Variants in MCTP1 observed in about 807,000 individuals in gnomAD.
The protein encoded by MCTP1 is multiple C2 and transmembrane domain-containing protein 1.
MCTP1 carries 69 observed loss-of-function variants against 120.6 expected under a neutral mutation model. The ratio of observed to expected loss-of-function variants is 0.57; its 90% confidence interval spans 0.47 to 0.70. The LOEUF (loss-of-function observed/expected upper bound fraction) is 0.70. MCTP1 is among the 30% of genes least tolerant of loss of function. The pLI is 0.00. For synonymous variants in MCTP1, 529 were observed against 493.1 expected, an observed-to-expected ratio of 1.07 and a Z score of -0.96; for missense variants, 1,203 against 1,248.8, an observed-to-expected ratio of 0.96 and a Z score of 0.55.
intron 1 of MCTP1, among the ~76,000 whole-genome samples, chr5:95,071,256 C>T (rs1309367327): frequency 6.6e-6 from 1 of 152,216 alleles, no homozygotes; most frequent in East Asian, 1.9e-4. Flanking sequence ...CCAAGAGCGT[C>T]TGTCTGAGGT....
intron 1 of MCTP1, among the ~76,000 whole-genome samples, chr5:95,246,644 G>A (rs1323091861): frequency 6.6e-6 from 1 of 152,146 alleles, no homozygotes; most frequent in Non-Finnish European, 1.5e-5. Flanking sequence ...CAATACAGGA[G>A]CACCCAGATT....
chr5:95,071,250 G>C lies in MCTP1; in HGVS notation c.721-53766C>G, dbSNP rs952101209. 2.0e-5 allele frequency among the ~76,000 whole-genome samples: 3 copies of C among 152,200 alleles called. No individual in the cohort carries two copies. The South Asian group carries it at 6.2e-4, about 32-fold the overall frequency. On this transcript the variant is annotated intron_variant, in intron 1 of 22. Coordinates refer to ENST00000515393, the MANE Select transcript of MCTP1 (RefSeq NM_024717.7). ...GCCTGAGGCAGCACGTGCAGCCCAA[G>C]AGCGTCTGTCTGAGGTACCCGCTGG...
chr5:94,940,832 T>C (rs1817544463), intron 4 of MCTP1, among the ~76,000 whole-genome samples: 1 of 151,574 alleles, frequency 6.6e-6, no homozygotes, highest in Middle Eastern at 3.5e-3. Context: ...ATGTATTACA[T>C]AGTATAATAA....
At chr5:94,750,932 C>A (rs572431650) in intron 19 of MCTP1, among the ~76,000 whole-genome samples, 7 of 152,164 alleles carry the variant, frequency 4.6e-5, no homozygotes, top group Non-Finnish European at 8.8e-5. Context: ...CTGGGAGTAG[C>A]ATACAAAAAG....
At chr5:95,175,395 G>A (rs1046581310) in intron 1 of MCTP1, among the ~76,000 whole-genome samples, 11 of 152,154 alleles carry the variant, frequency 7.2e-5, no homozygotes, top group African/African-American at 2.7e-4. Context: ...GACTCAGTTT[G>A]GTTTTCACTC....
At chr5:94,832,609 AACACACACACAC>A (rs59233492) in intron 17 of MCTP1, among the ~76,000 whole-genome samples, 2,726 of 147,228 alleles carry the variant, frequency 0.019, 30 homozygotes, top group Middle Eastern at 0.035. Flanking sequence ...GGGCTAGCTG[AACACACACACAC>A]ACACACACAC....
intron 1 of MCTP1, among the ~76,000 whole-genome samples, chr5:95,226,304 C>T (rs552394291): frequency 7.2e-5 from 11 of 152,208 alleles, no homozygotes; most frequent in African/African-American, 1.7e-4. Context: ...ATTGTGGCTA[C>T]GTTAATTTTT....
At chr5:95,181,640 CT>C (rs1353926526) in intron 1 of MCTP1, among the ~76,000 whole-genome samples, 1 of 152,144 alleles carries the variant, frequency 6.6e-6, no homozygotes, top group Non-Finnish European at 1.5e-5. Context: ...ACTTAGCACA[CT>C]TTTGATATGC....
chr5:95,250,822 C>T (rs886297650), intron 1 of MCTP1, among the ~76,000 whole-genome samples: 1 of 152,108 alleles, frequency 6.6e-6, no homozygotes, highest in Non-Finnish European at 1.5e-5. Context: ...ATAAATATGT[C>T]TTAACACTAC....
At chr5:94,998,941 C>T (rs193106334) in intron 2 of MCTP1, among the ~76,000 whole-genome samples, 9 of 152,136 alleles carry the variant, frequency 5.9e-5, no homozygotes, top group African/African-American at 1.9e-4. Flanking sequence ...AGAGGCAGAG[C>T]GTTTGCTTTC....
intron 19 of MCTP1, among the ~76,000 whole-genome samples, chr5:94,775,849 G>C (rs946051643): frequency 4.0e-5 from 6 of 150,326 alleles, no homozygotes; most frequent in African/African-American, 1.5e-4. Flanking sequence ...GAGAATGAAG[G>C]GTAAGTCTGT....
chr5:94,915,134 T>A (rs981306697), intron 8 of MCTP1, among the ~76,000 whole-genome samples: 14 of 152,216 alleles, frequency 9.2e-5, no homozygotes, highest in Non-Finnish European at 1.8e-4. Flanking sequence ...TATAGAGCTT[T>A]AGAATTTAAA....
rs1347689098 is a variant in MCTP1 at position 94,918,033 on chromosome 5, C to T, written c.1273-60G>A. On this transcript the variant is annotated intron_variant, in intron 7 of 22. Coordinates refer to ENST00000515393, the MANE Select transcript of MCTP1 (RefSeq NM_024717.7). ...AAGCTTTGTACCATTCTCAACCCCT[C>T]ATTTTGATCAGCAGTTTGAATTACT... is the stretch of plus-strand genomic sequence containing the variant. 4 of 1,251,572 alleles carry T rather than the reference C, an allele frequency of 3.2e-6. No homozygotes were observed. The Admixed American group carries it at 5.6e-5, about 17-fold the overall frequency. 77.5% of individuals were successfully genotyped at this position (1,251,572 alleles called of 1,614,324 possible). A position where few individuals can be genotyped will look rare whatever the true frequency, so the allele number is the denominator to read the frequency against.
chr5:94,929,577 T>C (rs985857712), intron 6 of MCTP1: 1 of 790,468 alleles, frequency 1.3e-6, no homozygotes, highest in Non-Finnish European at 1.5e-6. Flanking sequence ...TGCATTTTCA[T>C]AAAACAGTAA....
chr5:94,707,579 G>T lies in MCTP1; in HGVS notation c.2929-12C>A. ...TCTTGGTATTGCACCTGTTTAAACA[G>T]AGTTCAGAGGAAGACTGGTCAGGTG... is the stretch of plus-strand genomic sequence containing the variant. On this transcript the variant is annotated splice_polypyrimidine_tract_variant and intron_variant, in intron 22 of 22. Transcript: ENST00000515393. 6.2e-7 allele frequency: 1 copy of T among 1,606,258 alleles called. No homozygotes were observed. Among genetic ancestry groups the T allele is most frequent in the Non-Finnish European group, 8.5e-7 (1 of 1,173,676 alleles).
chr5:95,100,087 C>A (rs1223606053), intron 1 of MCTP1, among the ~76,000 whole-genome samples: 1 of 139,526 alleles, frequency 7.2e-6, no homozygotes, highest in Non-Finnish European at 1.5e-5. Flanking sequence ...AACACGTGGA[C>A]ACAGGAAGGG....
At chr5:95,178,990 C>T (rs1454976335) in intron 1 of MCTP1, among the ~76,000 whole-genome samples, 1 of 152,058 alleles carries the variant, frequency 6.6e-6, no homozygotes, top group East Asian at 1.9e-4. Context: ...AAAACAATCA[C>T]GACTTCTGGA....
intron 1 of MCTP1, among the ~76,000 whole-genome samples, chr5:95,268,067 C>T (rs533997369): frequency 2.5e-4 from 38 of 152,374 alleles, no homozygotes; most frequent in African/African-American, 8.7e-4. Context: ...TGGGTTGGGA[C>T]TTCTTATCAT....
At position 94,704,083 on chromosome 5, in the gene MCTP1, T is replaced by TAAGA. The variant is rs752947394; in HGVS notation, c.*3409_*3412dup. 1 of 151,602 alleles carries TAAGA rather than the reference T, an allele frequency of 6.6e-6. No homozygotes were observed. Among genetic ancestry groups the TAAGA allele is most frequent in the African/African-American group, 2.4e-5 (1 of 41,388 alleles). 9.4% of individuals were successfully genotyped at this position (151,602 alleles called of 1,614,324 possible). ...ATAATTGAAAGGAATGACACTATTG[T>TAAGA]AAGAAAGAATTTACCACATTATTTT... On this transcript the variant is annotated 3_prime_UTR_variant, in exon 23 of 23. Transcript: ENST00000515393.
Sources: allele counts gnomAD v4.1 joint callset (sites outside exome capture counted in the v4.1 genomes callset), GRCh38; gene constraint gnomAD v4.1.1; transcripts MANE v1.5; gene names NCBI Gene and HGNC (gene_info 2026-07-23, HGNC 2026-07-21).